FMNL2: variants seen among roughly 807,000 people sequenced by gnomAD.
FMNL2 encodes formin like 2.
In FMNL2, 51 loss-of-function variants were observed where a neutral mutation model predicts 130.2. The observed-to-expected ratio is 0.39, with a 90% CI of 0.31 to 0.49. The LOEUF is 0.49. Among genes scored for constraint, FMNL2 ranks in the 20% least tolerant of loss-of-function variants. FMNL2 has a pLI of 0.85. For missense variants in FMNL2, 977 were observed against 1,316.2 expected, an observed-to-expected ratio of 0.74 and a Z score of 3.99; for synonymous variants, 465 against 467.1, an observed-to-expected ratio of 1.00 and a Z score of 0.06.
chr2:152,446,556 A>T (rs761539137), intron 1 of FMNL2, among the ~76,000 whole-genome samples: 2 of 152,250 alleles, frequency 1.3e-5, no homozygotes, highest in Non-Finnish European at 2.9e-5. Flanking sequence ...GAGAAACTAA[A>T]TACAGCATCT....
intron 2 of FMNL2, among the ~76,000 whole-genome samples, chr2:152,535,100 A>T (rs1693926482): frequency 6.6e-6 from 1 of 151,758 alleles, no homozygotes; most frequent in South Asian, 2.1e-4. Flanking sequence ...ACTATTCAAG[A>T]CTCCTTGTTG....
chr2:152,625,426 T>C lies in FMNL2; in HGVS notation c.1838-12T>C. The C allele has an allele frequency of 6.2e-7, 1 of 1,601,140 alleles. No individual in the cohort carries two copies. Among genetic ancestry groups the C allele is most frequent in the South Asian group, 1.1e-5 (1 of 90,386 alleles). ...GGTGGGATCTTAATTCCATTCTCTTTGATGTCTTTAGCTGTGAAAATTAAG... is the reference window on the plus strand; with the variant it reads ...GGTGGGATCTTAATTCCATTCTCTTCGATGTCTTTAGCTGTGAAAATTAAG... On this transcript the variant is annotated splice_polypyrimidine_tract_variant and intron_variant, in intron 15 of 25. Coordinates refer to ENST00000288670, the MANE Select transcript of FMNL2 (RefSeq NM_052905.4).
rs560980720 is a variant in FMNL2, at chr2:152,373,909, G to T, written c.117+38189G>T. Among the ~76,000 whole-genome samples the T allele has an allele frequency of 2.6e-5, 4 of 152,000 alleles. No homozygotes were observed. The South Asian group carries it at 8.3e-4, about 32-fold the overall frequency. ...CACTAGAAATCAGAACACATTAATG[G>T]TTGAAGGTTTTTTGGCTTTGAGAAG... On this transcript the variant is annotated intron_variant, in intron 1 of 25. Coordinates refer to ENST00000288670, the MANE Select transcript of FMNL2 (RefSeq NM_052905.4).
At chr2:152,547,058 GC>G (rs1694688500) in intron 3 of FMNL2, among the ~76,000 whole-genome samples, 1 of 151,434 alleles carries the variant, frequency 6.6e-6, no homozygotes, top group South Asian at 2.1e-4. Context: ...CAGTTCTCGT[GC>G]CTCAGCTTCC....
chr2:152,510,786 C>T (rs1229089099), intron 1 of FMNL2, among the ~76,000 whole-genome samples: 3 of 152,128 alleles, frequency 2.0e-5, no homozygotes, highest in East Asian at 3.9e-4. Context: ...AGGCCTGCCA[C>T]GCAAGACTTT....
At chr2:152,640,104 A>G in intron 24 of FMNL2, 48 bp downstream of exon 24, 1 of 1,470,260 alleles carries the variant, frequency 6.8e-7, no homozygotes, top group Non-Finnish European at 9.1e-7. Context: ...AGAGGCTGAG[A>G]GGGCTCTTCA....
chr2:152,506,731 C>A (rs978358023), intron 1 of FMNL2, among the ~76,000 whole-genome samples: 1 of 152,004 alleles, frequency 6.6e-6, no homozygotes, highest in African/African-American at 2.4e-5. Flanking sequence ...GCCTCCTAGA[C>A]CAAAAGAAAA....
chr2:152,558,731 C>A lies in FMNL2; in HGVS notation c.360-9C>A. The A allele has an allele frequency of 3.4e-6, 5 of 1,450,144 alleles. No homozygotes were observed. The highest frequency in any genetic ancestry group is 4.5e-6 in the Non-Finnish European group (5 of 1,100,970). 89.8% of individuals were successfully genotyped at this position (1,450,144 alleles called of 1,614,324 possible). ...TCTCCAATGATTTTTTTTTTTTTTT[C>A]CCCAACAGATGGGTCAGAGAATTTC... is the stretch of plus-strand genomic sequence containing the variant. On this transcript the variant is annotated splice_polypyrimidine_tract_variant and intron_variant, in intron 4 of 25. Transcript: ENST00000288670.
At chr2:152,385,379 CTTTTACG>C (rs1558816204) in intron 1 of FMNL2, among the ~76,000 whole-genome samples, 1 of 152,144 alleles carries the variant, frequency 6.6e-6, no homozygotes, top group African/African-American at 2.4e-5. Context: ...GCTCAGAGGC[CTTTTACG>C]TCTTAGTGTT....
intron 1 of FMNL2, among the ~76,000 whole-genome samples, chr2:152,493,494 C>G (rs1691329225): frequency 6.6e-6 from 1 of 152,054 alleles, no homozygotes; most frequent in Admixed American, 6.6e-5. Context: ...AATGTGATCC[C>G]CAATGTTGGG....
intron 1 of FMNL2, among the ~76,000 whole-genome samples, chr2:152,501,701 G>C (rs1047243721): frequency 1.3e-5 from 2 of 150,848 alleles, no homozygotes; most frequent in Admixed American, 6.9e-5. Flanking sequence ...GTAAATTTGC[G>C]TGACTTTTTT....
chr2:152,640,559 G>A (rs184248680), intron 24 of FMNL2, among the ~76,000 whole-genome samples: 50 of 152,350 alleles, frequency 3.3e-4, no homozygotes, highest in Admixed American at 2.7e-3. Flanking sequence ...TCTTGTTGCC[G>A]TAGACTCCAG....
intron 1 of FMNL2, among the ~76,000 whole-genome samples, chr2:152,492,774 C>T (rs60726088): frequency 1.8e-3 from 269 of 152,264 alleles, no homozygotes; most frequent in African/African-American, 6.2e-3. Flanking sequence ...GATCGGTTAT[C>T]GTTCCTCTAC....
At chr2:152,487,787 T>C (rs1690913014) in intron 1 of FMNL2, among the ~76,000 whole-genome samples, 2 of 151,838 alleles carry the variant, frequency 1.3e-5, no homozygotes, top group Middle Eastern at 6.8e-3. Flanking sequence ...ATTCTTTCTT[T>C]TTTTTTTTTT....
At chr2:152,538,266 T>A (rs1694105435) in intron 2 of FMNL2, among the ~76,000 whole-genome samples, 1 of 116,768 alleles carries the variant, frequency 8.6e-6, no homozygotes, top group Admixed American at 1.0e-4. Flanking sequence ...TGGAATATTT[T>A]ATATGAGGTT....
At chr2:152,642,875 G>A (rs1271548372) in intron 25 of FMNL2, among the ~76,000 whole-genome samples, 1 of 151,936 alleles carries the variant, frequency 6.6e-6, no homozygotes, top group Non-Finnish European at 1.5e-5. Flanking sequence ...CAGGCATGGT[G>A]GCTGGTGTCT....
intron 25 of FMNL2, chr2:152,643,300 A>C: frequency 1.4e-6 from 2 of 1,395,536 alleles, no homozygotes; most frequent in Non-Finnish European, 9.7e-7. Flanking sequence ...TTTCCTGCCC[A>C]TCTTCCCCAC....
chr2:152,533,740 T>C (rs1007022578), intron 2 of FMNL2, among the ~76,000 whole-genome samples: 1 of 152,130 alleles, frequency 6.6e-6, no homozygotes, highest in African/African-American at 2.4e-5. Context: ...TTCTGATCTA[T>C]GAACATGGTA....
chr2:152,554,921 C>G (rs1291814746), intron 4 of FMNL2, among the ~76,000 whole-genome samples: 9 of 152,158 alleles, frequency 5.9e-5, no homozygotes, highest in Non-Finnish European at 1.5e-5. Context: ...AGCAGAAGTA[C>G]TTTATGTGAG....
Sources: allele counts gnomAD v4.1 joint callset (sites outside exome capture counted in the v4.1 genomes callset), GRCh38; gene constraint gnomAD v4.1.1; transcripts MANE v1.5; gene names NCBI Gene and HGNC (gene_info 2026-07-23, HGNC 2026-07-21).